HERC1: variants seen among roughly 807,000 people sequenced by gnomAD.
HERC1 encodes probable E3 ubiquitin-protein ligase HERC1.
In HERC1, 160 loss-of-function variants were observed where a neutral mutation model predicts 554.3. The observed-to-expected ratio is 0.29, with a 90% CI of 0.25 to 0.33. The LOEUF (loss-of-function observed/expected upper bound fraction) is 0.33. HERC1 is among the 10% of genes least tolerant of loss of function. The probability of loss-of-function intolerance (pLI) is 1.00; values close to 1 mark genes in which losing one functional copy is unlikely to be tolerated. For missense variants in HERC1, 4,919 were observed against 5,918.5 expected (o/e 0.83, Z 5.54); for synonymous variants, 2,175 against 2,131.7 (o/e 1.02, Z -0.56).
Position 63,612,523 on chromosome 15 carries a change from C to A in HERC1, c.14128G>T (p.Val4710Phe). 6.2e-7 allele frequency: 1 copy of A among 1,613,942 alleles called. No individual in the cohort carries two copies. The highest frequency in any genetic ancestry group is 2.2e-5 in the East Asian group (1 of 44,882). The change falls in exon 77 of 78, where the codon GTT (valine) becomes TTT (phenylalanine). Residue 4710 changes from valine (V) to phenylalanine (F), a missense_variant. Val to Phe is a conservative substitution (Grantham distance 50, BLOSUM62 -1). Transcript: ENST00000443617. This position sits in a 1 kb window ranked among gnomAD's most constrained non-coding sequence, Gnocchi z 5.0. ...AAVREGMSWI[V>F]PVPLLSLLTA... The stretch of plus-strand genomic sequence containing the variant: ...AGGAGGGACAGCAGCGGCACAGGAA[C>A]AATCCAGGACATCCCTTCTCGGACT...
At chr15:63,713,985 C>T (rs961341075) in intron 22 of HERC1, among the ~76,000 whole-genome samples, 5 of 152,132 alleles carry the variant, frequency 3.3e-5, no homozygotes, top group African/African-American at 1.2e-4. Flanking sequence ...GTACCCACAT[C>T]ATCTGGGCAC....
intron 3 of HERC1, among the ~76,000 whole-genome samples, chr15:63,763,490 C>T (rs2075676085): frequency 1.3e-5 from 2 of 151,518 alleles, no homozygotes; most frequent in African/African-American, 4.9e-5. Context: ...ATGCTACAGC[C>T]TAGAAAGCCT....
intron 1 of HERC1, among the ~76,000 whole-genome samples, chr15:63,805,813 C>G (rs141363085): frequency 6.6e-6 from 1 of 151,770 alleles, no homozygotes; most frequent in African/African-American, 2.4e-5. Context: ...TATAGTGGTA[C>G]GCTTCTGTGG....
At chr15:63,650,798 A>G (rs2069636898) in intron 53 of HERC1, among the ~76,000 whole-genome samples, 1 of 152,244 alleles carries the variant, frequency 6.6e-6, no homozygotes, top group South Asian at 2.1e-4. Flanking sequence ...CAGAACACCT[A>G]TTCCTCAAAT....
In HERC1 at chr15:63,696,126, G is replaced by A; in HGVS notation, c.5119C>T (p.Gln1707Ter). The change falls in exon 27 of 78, where the codon CAG becomes TAG. Residue 1707 changes from glutamine to a stop codon, truncating the protein, a stop_gained and splice_region_variant. Transcript: ENST00000443617. LOFTEE classifies it high-confidence loss of function. ...ATATACTGCAAGGTGTCACCTACCT[G>A]ATAGTGATGCAATCGGCCACTCTCT... ...KGESGRLHHY[Q>*]DGIRAAKRNI... The A allele has an allele frequency of 6.2e-7, 1 of 1,607,874 alleles. No homozygotes were observed. Among genetic ancestry groups the A allele is most frequent in the Non-Finnish European group, 8.5e-7 (1 of 1,175,122 alleles).
intron 65 of HERC1, among the ~76,000 whole-genome samples, chr15:63,635,126 C>A (rs543718414): frequency 6.6e-6 from 1 of 152,130 alleles, no homozygotes; most frequent in South Asian, 2.1e-4. Flanking sequence ...CAGCTCACTG[C>A]AGCCCCAAAC....
chr15:63,764,677 TAC>T (rs1420041526), intron 2 of HERC1, among the ~76,000 whole-genome samples: 12 of 152,274 alleles, frequency 7.9e-5, no homozygotes, highest in African/African-American at 2.9e-4. Context: ...GTCCCAGTGT[TAC>T]AGTGTTACAA....
intron 1 of HERC1, among the ~76,000 whole-genome samples, chr15:63,805,720 G>A (rs1280575260): frequency 6.6e-6 from 1 of 152,200 alleles, no homozygotes; most frequent in Non-Finnish European, 1.5e-5. Flanking sequence ...GCTGAGGCAG[G>A]AGGACTGCTT....
At chr15:63,625,809 C>G in intron 71 of HERC1, 176 bp downstream of exon 71, 1 of 723,024 alleles carries the variant, frequency 1.4e-6, no homozygotes, top group Non-Finnish European at 2.4e-6. Context: ...AGCATCATGT[C>G]CAACCTCTAG....
chr15:63,614,332 CA>C (rs1481947535), intron 76 of HERC1, among the ~76,000 whole-genome samples: 2 of 152,190 alleles, frequency 1.3e-5, no homozygotes, highest in Non-Finnish European at 2.9e-5. Flanking sequence ...ATCCTTACCT[CA>C]CAGAGTAACT....
At chr15:63,640,860 T>C (rs2069020184) in intron 60 of HERC1, among the ~76,000 whole-genome samples, 1 of 152,200 alleles carries the variant, frequency 6.6e-6, no homozygotes. Flanking sequence ...GGTAACTATT[T>C]AACCACAGAG....
intron 2 of HERC1, among the ~76,000 whole-genome samples, chr15:63,769,553 A>G (rs2075886371): frequency 6.6e-6 from 1 of 152,010 alleles, no homozygotes; most frequent in South Asian, 2.1e-4. Flanking sequence ...AATAAAGTCG[A>G]AATTAAAATA....
At chr15:63,696,087 C>G in intron 27 of HERC1, 37 bp downstream of exon 27, 1 of 1,420,032 alleles carries the variant, frequency 7.0e-7, no homozygotes, top group South Asian at 1.2e-5. Flanking sequence ...TGTAAAATGA[C>G]AGTTAAAATC....
intron 1 of HERC1, among the ~76,000 whole-genome samples, chr15:63,829,405 A>G (rs1219366958): frequency 6.6e-6 from 1 of 150,934 alleles, no homozygotes; most frequent in Non-Finnish European, 1.5e-5. Context: ...CCTGGGTGAC[A>G]GAGTGAGGCC....
chr15:63,649,180 C>G (rs1470238536), intron 54 of HERC1, among the ~76,000 whole-genome samples: 1 of 152,168 alleles, frequency 6.6e-6, no homozygotes, highest in East Asian at 1.9e-4. Context: ...TGGTGAAACC[C>G]TGTCTCTACT....
intron 37 of HERC1, among the ~76,000 whole-genome samples, chr15:63,676,867 T>C (rs539805751): frequency 6.6e-6 from 1 of 152,342 alleles, no homozygotes; most frequent in African/African-American, 2.4e-5. Flanking sequence ...AGTTACATAA[T>C]ATCACCAATA....
intron 40 of HERC1, 126 bp from the exon 41 acceptor site, chr15:63,666,598 T>C: frequency 6.4e-6 from 4 of 626,140 alleles, no homozygotes; most frequent in Admixed American, 6.0e-5. Context: ...ACTCAGAATA[T>C]GTGGCTGGGC....
chr15:63,610,833 C>T (rs1370654417), intron 77 of HERC1, among the ~76,000 whole-genome samples: 1 of 152,146 alleles, frequency 6.6e-6, no homozygotes. Context: ...AGAGAACTGC[C>T]CAGCTCATGT....
chr15:63,723,171 CTTT>C lies in HERC1; in HGVS notation c.3742+8_3742+10del, dbSNP rs2073894448. 2 of 1,414,306 alleles carry C rather than the reference CTTT, an allele frequency of 1.4e-6. No individual in the cohort carries two copies. The highest frequency in any genetic ancestry group is 1.9e-6 in the Non-Finnish European group (2 of 1,072,174). 87.6% of individuals were successfully genotyped at this position (1,414,306 alleles called of 1,614,324 possible). A position where few individuals can be genotyped will look rare whatever the true frequency, so the allele number is the denominator to read the frequency against. On this transcript the variant is annotated splice_region_variant and intron_variant, in intron 19 of 77. Coordinates refer to ENST00000443617, the MANE Select transcript of HERC1 (RefSeq NM_003922.4). ...ACTACAAATTTACTCCCTTTATCTTCTTTATCTTACCTTTACTAACAGCATAGT... is the reference window on the plus strand; with the variant it reads ...ACTACAAATTTACTCCCTTTATCTTCATCTTACCTTTACTAACAGCATAGT...
Sources: allele counts gnomAD v4.1 joint callset (sites outside exome capture counted in the v4.1 genomes callset), GRCh38; gene constraint gnomAD v4.1.1; non-coding constraint Gnocchi (gnomAD v3.1); transcripts MANE v1.5; gene names NCBI Gene and HGNC (gene_info 2026-07-23, HGNC 2026-07-21).